Variants in EPB41L3 observed in about 807,000 individuals in gnomAD.
EPB41L3 encodes erythrocyte membrane protein band 4.1 like 3.
A neutral mutation model predicts 127.1 loss-of-function variants in EPB41L3; 57 were observed. The observed-to-expected ratio is 0.45, with a 90% CI of 0.36 to 0.56. EPB41L3 has a LOEUF of 0.56. EPB41L3 is among the 20% of genes least tolerant of loss of function. EPB41L3 has a pLI of 0.00. For missense variants in EPB41L3, 1,273 were observed against 1,372.2 expected (o/e 0.93, Z 1.14); for synonymous variants, 572 against 549.5 (o/e 1.04, Z -0.57).
chr18:5,431,321 C>T (rs1000140764), intron 8 of EPB41L3: 3 of 152,202 alleles, frequency 2.0e-5, no homozygotes, highest in African/African-American at 7.2e-5. Context: ...AGGCATCTCG[C>T]TCATAACCGG....
chr18:5,479,449 A>G (rs1250779592), intron 2 of EPB41L3, among the ~76,000 whole-genome samples: 1 of 152,198 alleles, frequency 6.6e-6, no homozygotes, highest in Non-Finnish European at 1.5e-5. Flanking sequence ...ATGGTTTATC[A>G]TCTTAATTTT....
At chr18:5,447,821 T>TTAA in intron 3 of EPB41L3, among the ~76,000 whole-genome samples, 1 of 152,226 alleles carries the variant, frequency 6.6e-6, no homozygotes, top group Non-Finnish European at 1.5e-5. Context: ...TTTCTATTAA[T>TTAA]GAGTCCCATC....
At chr18:5,522,975 G>T (rs895434893) in intron 1 of EPB41L3, among the ~76,000 whole-genome samples, 2 of 152,086 alleles carry the variant, frequency 1.3e-5, no homozygotes, top group Non-Finnish European at 2.9e-5. Context: ...AAAAGTGACT[G>T]AGCTGGTATT....
At chr18:5,550,762 AC>A (rs1003328363) in intron 3 of EPB41L3, among the ~76,000 whole-genome samples, 19 of 152,304 alleles carry the variant, frequency 1.2e-4, no homozygotes, top group African/African-American at 4.6e-4. Flanking sequence ...CCACTCTGGA[AC>A]CAGGGCTTGC....
At chr18:5,469,364 T>C (rs2085640755) in intron 3 of EPB41L3, among the ~76,000 whole-genome samples, 1 of 152,182 alleles carries the variant, frequency 6.6e-6, no homozygotes, top group Admixed American at 6.5e-5. Context: ...TTGTTTCCAG[T>C]GCATCCGATC....
chr18:5,508,707 C>T (rs1203471814), intron 1 of EPB41L3, among the ~76,000 whole-genome samples: 2 of 138,584 alleles, frequency 1.4e-5, no homozygotes, highest in African/African-American at 5.5e-5. Flanking sequence ...GTGGAGGTTG[C>T]AGTGAGCCGA....
chr18:5,626,443 TAATATA>T (rs1195663746), intron 1 of EPB41L3, among the ~76,000 whole-genome samples: 2 of 152,254 alleles, frequency 1.3e-5, no homozygotes, highest in East Asian at 1.9e-4. Context: ...TTTTAATCTT[TAATATA>T]AATAGCGGGT....
chr18:5,421,812 C>T (rs2077503711), intron 11 of EPB41L3, among the ~76,000 whole-genome samples: 1 of 151,942 alleles, frequency 6.6e-6, no homozygotes, highest in Admixed American at 6.6e-5. Context: ...ACTGGAGACT[C>T]AGAAGGCAGA....
intron 3 of EPB41L3, among the ~76,000 whole-genome samples, chr18:5,598,015 A>G (rs1473464825): frequency 6.6e-6 from 1 of 152,182 alleles, no homozygotes; most frequent in Non-Finnish European, 1.5e-5. Context: ...GTCAAAGATG[A>G]AGTAACTTCT....
intron 1 of EPB41L3, among the ~76,000 whole-genome samples, chr18:5,495,883 A>C (rs1002026429): frequency 6.6e-6 from 1 of 152,176 alleles, no homozygotes; most frequent in Non-Finnish European, 1.5e-5. Flanking sequence ...CAAGAAATCT[A>C]AAGAAATGTT....
chr18:5,596,950 A>C (rs921642083), intron 3 of EPB41L3, among the ~76,000 whole-genome samples: 4 of 152,152 alleles, frequency 2.6e-5, no homozygotes, highest in African/African-American at 4.8e-5. Flanking sequence ...TCAACATGAT[A>C]GATAAAAGCA....
chr18:5,436,268 C>T (rs2079773617), intron 6 of EPB41L3, among the ~76,000 whole-genome samples: 1 of 151,944 alleles, frequency 6.6e-6, no homozygotes, highest in Non-Finnish European at 1.5e-5. Flanking sequence ...TTTAAAGGTC[C>T]CCTCTAAATA....
intron 2 of EPB41L3, among the ~76,000 whole-genome samples, chr18:5,481,882 C>T (rs990988074): frequency 3.3e-5 from 5 of 152,208 alleles, no homozygotes; most frequent in Middle Eastern, 3.4e-3. Flanking sequence ...AGAGGCCTAG[C>T]GGTAAAAAAT....
At chr18:5,545,917 G>A (rs2093873852), upstream of EPB41L3, among the ~76,000 whole-genome samples, 1 of 135,006 alleles carries the variant, frequency 7.4e-6, no homozygotes, top group South Asian at 2.4e-4. Flanking sequence ...GTGTGTGTGT[G>A]TAGCACATAA....
chr18:5,618,806 G>A (rs2144181421), intron 1 of EPB41L3, among the ~76,000 whole-genome samples: 1 of 152,226 alleles, frequency 6.6e-6, no homozygotes, highest in Admixed American at 6.5e-5. Flanking sequence ...AAAATAATGT[G>A]TTTAGAACAG....
intron 1 of EPB41L3, among the ~76,000 whole-genome samples, chr18:5,525,717 T>A (rs1473151790): frequency 6.6e-6 from 1 of 152,232 alleles, no homozygotes; most frequent in Non-Finnish European, 1.5e-5. Flanking sequence ...AATTAACAAA[T>A]ATCTTCTCAG....
intron 3 of EPB41L3, among the ~76,000 whole-genome samples, chr18:5,595,113 T>C (rs538517463): frequency 2.6e-5 from 4 of 152,156 alleles, no homozygotes; most frequent in East Asian, 1.9e-4. Flanking sequence ...ATTCTGGGCA[T>C]TGACTTCTGG....
chr18:5,575,466 T>A (rs1306308525), intron 3 of EPB41L3, among the ~76,000 whole-genome samples: 2 of 152,128 alleles, frequency 1.3e-5, no homozygotes, highest in Non-Finnish European at 2.9e-5. Context: ...TTGCTCCTTC[T>A]CTTGCCATGT....
At chr18:5,576,857 A>C (rs1467302575) in intron 3 of EPB41L3, among the ~76,000 whole-genome samples, 1 of 152,228 alleles carries the variant, frequency 6.6e-6, no homozygotes, top group African/African-American at 2.4e-5. Flanking sequence ...GCAAAGTCTA[A>C]GCATAAGTAC....
Sources: allele counts gnomAD v4.1 joint callset (sites outside exome capture counted in the v4.1 genomes callset), GRCh38; gene constraint gnomAD v4.1.1; transcripts MANE v1.5; gene names NCBI Gene and HGNC (gene_info 2026-07-23, HGNC 2026-07-21).